Variants in PPP1R9A observed in about 807,000 individuals in gnomAD.
The protein encoded by PPP1R9A is neurabin-1.
Under a neutral mutation model 141.9 loss-of-function variants are expected in PPP1R9A, and 59 were observed. That is an observed-to-expected ratio of 0.42 (90% CI 0.34 to 0.52). The LOEUF (loss-of-function observed/expected upper bound fraction) is 0.52. PPP1R9A is among the 20% of genes least tolerant of loss of function. The probability of loss-of-function intolerance (pLI) is 0.10; values close to 1 mark genes in which losing one functional copy is unlikely to be tolerated. For synonymous variants in PPP1R9A, 500 were observed against 569.7 expected (o/e 0.88, Z 1.74); for missense variants, 1,444 against 1,611.9 (o/e 0.90, Z 1.78).
At chr7:95,192,912 C>G (rs1396017248) in intron 5 of PPP1R9A, among the ~76,000 whole-genome samples, 2 of 152,012 alleles carry the variant, frequency 1.3e-5, no homozygotes, top group Non-Finnish European at 2.9e-5. Context: ...TTAAAATAGA[C>G]CAGACACTTA....
intron 7 of PPP1R9A, among the ~76,000 whole-genome samples, chr7:95,218,521 C>T (rs1162169765): frequency 3.3e-5 from 5 of 152,088 alleles, no homozygotes; most frequent in Non-Finnish European, 5.9e-5. Flanking sequence ...CCTGGATATC[C>T]TTGTTAACTT....
At chr7:95,000,253 G>A (rs1017800850) in intron 2 of PPP1R9A, among the ~76,000 whole-genome samples, 16 of 152,152 alleles carry the variant, frequency 1.1e-4, no homozygotes, top group African/African-American at 3.9e-4. Flanking sequence ...AGTGTTTGTA[G>A]AATGAGAAAA....
chr7:95,223,819 T>C (rs186368369), intron 7 of PPP1R9A, among the ~76,000 whole-genome samples: 232 of 152,146 alleles, frequency 1.5e-3, no homozygotes, highest in Non-Finnish European at 2.2e-3. Context: ...TTTGTAATGA[T>C]AGGGTTAAAA....
At position 95,294,522 on chromosome 7, in the gene PPP1R9A, G is replaced by C. The variant is rs1405465690; in HGVS notation, c.*4219G>C. On this transcript the variant is annotated 3_prime_UTR_variant, in exon 20 of 20. Transcript: ENST00000433360. ...GGCTGTACATTCCCAAAAGAAAGTA[G>C]TGTTATAGGAAATCCAAATGCGCTT... 1.3e-5 allele frequency: 2 copies of C among 152,148 alleles called. No homozygotes were observed. The highest frequency in any genetic ancestry group is 2.9e-5 in the Non-Finnish European group (2 of 68,034). The allele number at this position is 152,148 out of a possible 1,614,324, so 9.4% of individuals were successfully genotyped here.
chr7:95,148,101 G>A (rs764406155), intron 4 of PPP1R9A, among the ~76,000 whole-genome samples: 10 of 152,058 alleles, frequency 6.6e-5, no homozygotes, highest in Non-Finnish European at 1.5e-4. Context: ...TATTAGAAAA[G>A]AAGAAAGATC....
intron 2 of PPP1R9A, among the ~76,000 whole-genome samples, chr7:95,044,547 ATTT>A (rs113379313): frequency 1.1e-4 from 14 of 132,190 alleles, no homozygotes; most frequent in Non-Finnish European, 1.8e-4. Flanking sequence ...TTTTTTCAGG[ATTT>A]TTTTTTTTTT....
intron 2 of PPP1R9A, among the ~76,000 whole-genome samples, chr7:95,023,510 T>G (rs1806314295): frequency 8.2e-6 from 1 of 121,876 alleles, no homozygotes; most frequent in Non-Finnish European, 1.8e-5. Flanking sequence ...TTTCTCGTCT[T>G]CTGCTAGCTT....
chr7:95,153,671 T>C (rs939994958), intron 4 of PPP1R9A, among the ~76,000 whole-genome samples: 3 of 152,234 alleles, frequency 2.0e-5, no homozygotes, highest in African/African-American at 4.8e-5. Flanking sequence ...ATTTATGTGG[T>C]ACATGTGATA....
chr7:95,062,189 A>G (rs1334694774), intron 2 of PPP1R9A, among the ~76,000 whole-genome samples: 1 of 152,136 alleles, frequency 6.6e-6, no homozygotes, highest in East Asian at 1.9e-4. Context: ...GAGTGGAGCA[A>G]TCTGCCTGAG....
intron 5 of PPP1R9A, among the ~76,000 whole-genome samples, chr7:95,191,451 A>G (rs1383807636): frequency 6.6e-6 from 1 of 152,178 alleles, no homozygotes; most frequent in Admixed American, 6.5e-5. Flanking sequence ...CTCAAACATT[A>G]TCATTTCTTT....
intron 2 of PPP1R9A, among the ~76,000 whole-genome samples, chr7:95,103,611 G>A (rs1038443000): frequency 2.0e-5 from 3 of 151,906 alleles, no homozygotes; most frequent in African/African-American, 2.4e-5. Flanking sequence ...CTGGTGATCC[G>A]CCTGCCTCGG....
intron 4 of PPP1R9A, among the ~76,000 whole-genome samples, chr7:95,137,760 A>C (rs1214626394): frequency 6.6e-6 from 1 of 152,184 alleles, no homozygotes; most frequent in African/African-American, 2.4e-5. Flanking sequence ...GGACCAAGAT[A>C]ACAGTTCTGA....
At chr7:95,109,748 G>A (rs908521842) in intron 2 of PPP1R9A, among the ~76,000 whole-genome samples, 8 of 151,756 alleles carry the variant, frequency 5.3e-5, no homozygotes, top group Admixed American at 6.6e-5. Context: ...GGAGGCTACA[G>A]TGGGAGAATT....
At chr7:94,908,134 G>A (rs1790990712) in intron 1 of PPP1R9A, 1 of 150,468 alleles carries the variant, frequency 6.6e-6, no homozygotes, top group Admixed American at 6.6e-5. Context: ...CGGCGCTCCC[G>A]CTCGGGTAAG....
intron 4 of PPP1R9A, chr7:95,154,838 T>C (rs1829326120): frequency 6.6e-6 from 1 of 152,176 alleles, no homozygotes; most frequent in Admixed American, 6.5e-5. Context: ...CTAGTAGTTA[T>C]AAAATGTTTT....
intron 4 of PPP1R9A, among the ~76,000 whole-genome samples, chr7:95,128,141 AAGCATTCCCTTTTCTCCACAGCCTCACC>A (rs1248920569): frequency 1.9e-4 from 29 of 152,350 alleles, no homozygotes; most frequent in African/African-American, 7.0e-4. Flanking sequence ...AACAGCGTGT[AAGCATTCCCTTTTCTCCACAGCCTCACC>A]AGCATCTGTT....
chr7:95,038,988 C>A lies in PPP1R9A; in HGVS notation c.1396-72271C>A, dbSNP rs578242581. Reference sequence around the variant, plus strand: ...GTTAGACAGCCCAACACATAGCCAGCAGAACATAAATCCTCATACCAAAAG... The same window carrying A: ...GTTAGACAGCCCAACACATAGCCAGAAGAACATAAATCCTCATACCAAAAG... On this transcript the variant is annotated intron_variant, in intron 2 of 19. Transcript: ENST00000433360. Among the ~76,000 whole-genome samples, 4 of 152,252 alleles carry A rather than the reference C, an allele frequency of 2.6e-5. No individual in the cohort carries two copies. In the South Asian group the frequency reaches 8.3e-4, roughly 32 times the overall value.
intron 2 of PPP1R9A, among the ~76,000 whole-genome samples, chr7:94,953,084 G>A (rs564408504): frequency 6.6e-6 from 1 of 152,156 alleles, no homozygotes; most frequent in African/African-American, 2.4e-5. Context: ...GGTTTTTATG[G>A]GTTTAGGTCT....
At chr7:95,005,866 C>CTT (rs1367651046) in intron 2 of PPP1R9A, among the ~76,000 whole-genome samples, 2 of 151,954 alleles carry the variant, frequency 1.3e-5, no homozygotes, top group African/African-American at 4.8e-5. Flanking sequence ...ATTAATTAGC[C>CTT]TTTCCCTTGT....
Sources: gnomAD v4.1 joint callset for allele counts (sites outside exome capture counted in the v4.1 genomes callset) on GRCh38, gnomAD v4.1.1 for gene constraint, MANE v1.5 for transcripts, NCBI Gene and HGNC (gene_info 2026-07-23, HGNC 2026-07-21) for gene names.